Variants in NUMBL observed in about 807,000 individuals in gnomAD.
NUMBL encodes numb-like protein.
NUMBL carries 20 observed loss-of-function variants against 48.9 expected under a neutral mutation model. The observed-to-expected ratio is 0.41, with a 90% CI of 0.29 to 0.59. The LOEUF is 0.59. Ranked by LOEUF, NUMBL falls within the 20% of genes least tolerant of loss-of-function variation. The pLI is 0.31. For missense variants in NUMBL, 660 were observed against 846.2 expected, an observed-to-expected ratio of 0.78 and a Z score of 2.73; for synonymous variants, 340 against 348.7, an observed-to-expected ratio of 0.98 and a Z score of 0.28.
intron 2 of NUMBL, among the ~76,000 whole-genome samples, chr19:40,686,685 A>G (rs1333376759): frequency 9.0e-6 from 1 of 111,456 alleles, no homozygotes; most frequent in Admixed American, 8.5e-5. Context: ...CTCTAACCGT[A>G]TATCTACAGA....
chr19:40,672,128 C>T (rs2081851491), intron 8 of NUMBL, among the ~76,000 whole-genome samples: 1 of 152,222 alleles, frequency 6.6e-6, no homozygotes, highest in South Asian at 2.1e-4. Flanking sequence ...GATCTGCCTG[C>T]CTTGGCCTCC....
In NUMBL at chr19:40,668,083, C is replaced by T. The variant is rs1477890064; in HGVS notation, c.1215G>A (p.Gly405=). ...SVPPAAAFQP[G]HKRTPSEAER... The stretch of plus-strand genomic sequence containing the variant: ...CAGCCTCTGAAGGTGTCCGCTTGTG[C>T]CCAGGCTGGAAGGCAGCTGCAGGGG... Residue 405 remains glycine (G), a synonymous_variant, in exon 10 of 10, where the codon GGG becomes GGA. Coordinates refer to ENST00000252891, the MANE Select transcript of NUMBL (RefSeq NM_004756.5). 1.2e-6 allele frequency: 2 copies of T among 1,601,676 alleles called. No individual in the cohort carries two copies. The highest frequency in any genetic ancestry group is 1.7e-6 in the Non-Finnish European group (2 of 1,174,892).
intron 7 of NUMBL, among the ~76,000 whole-genome samples, chr19:40,676,678 CGA>C (rs1243848828): frequency 5.1e-5 from 7 of 137,286 alleles, no homozygotes; most frequent in Non-Finnish European, 1.1e-4. Flanking sequence ...GTTGACAGAG[CGA>C]GACTCCGTCT....
At position 40,670,004 on chromosome 19, in the gene NUMBL, A is replaced by G. The variant is rs1255790533; in HGVS notation, c.1053T>C (p.Pro351=). 1.2e-6 allele frequency: 2 copies of G among 1,613,726 alleles called. No individual in the cohort carries two copies. The highest frequency in any genetic ancestry group is 2.2e-5 in the South Asian group (2 of 91,052). ...TGCTGTCACTGTCGCCGGCACCAGGAGGCTCCATCTCAGGCACTGGGAAGC... is the reference window on the plus strand; with the variant it reads ...TGCTGTCACTGTCGCCGGCACCAGGGGGCTCCATCTCAGGCACTGGGAAGC... ...QVKGTVPEME[P]PGAGDSDSIN... The change falls in exon 9 of 10, where the codon CCT becomes CCC. Residue 351 remains proline (P), a synonymous_variant. Transcript: ENST00000252891.
rs2081893278 is a variant in NUMBL, at chr19:40,679,243, A to G, written c.540+1674T>C. On this transcript the variant is annotated intron_variant, in intron 6 of 9. Transcript: ENST00000252891. ...CATCTCTACAAAAAATTAGCCAGGC[A>G]TGGTGGCGTGTGCCTGTAGTCCTAG... is the stretch of plus-strand genomic sequence containing the variant. Among the ~76,000 whole-genome samples, 3 of 151,988 alleles carry G rather than the reference A, an allele frequency of 2.0e-5. No individual in the cohort carries two copies. The South Asian group carries it at 6.2e-4, about 32-fold the overall frequency.
chr19:40,690,509 C>T lies in NUMBL; in HGVS notation c.-26G>A. 1 of 1,265,100 alleles carries T rather than the reference C, an allele frequency of 7.9e-7. No individual in the cohort carries two copies. Among genetic ancestry groups the T allele is most frequent in the Non-Finnish European group, 1.0e-6 (1 of 1,004,468 alleles). The allele number at this position is 1,265,100 out of a possible 1,614,324, so 78.4% of individuals were successfully genotyped here. ...CCAGGGCCCGGGCGCCCCCGCCTCC[C>T]GCGGCCCTGGCTGGGCCTGGCTCCC... On this transcript the variant is annotated 5_prime_UTR_variant, in exon 1 of 10. Transcript: ENST00000252891.
intron 6 of NUMBL, among the ~76,000 whole-genome samples, chr19:40,678,029 G>A (rs957037495): frequency 3.9e-5 from 6 of 152,180 alleles, no homozygotes; most frequent in Admixed American, 1.3e-4. Context: ...TAGACTAAAC[G>A]TGTGTGTCTC....
At chr19:40,679,868 G>A (rs2081896027) in intron 6 of NUMBL, among the ~76,000 whole-genome samples, 1 of 152,046 alleles carries the variant, frequency 6.6e-6, no homozygotes, top group African/African-American at 2.4e-5. Context: ...CTTTAGCGGT[G>A]ATGAAAATGT....
rs1399322076 is a variant in NUMBL at position 40,686,942 on chromosome 19, C to T, written c.78G>A (p.Pro26=). 40 of 1,544,810 alleles carry T rather than the reference C, an allele frequency of 2.6e-5. No homozygotes were observed. The highest frequency in any genetic ancestry group is 1.1e-4 in the African/African-American group (8 of 72,662). ...RHLPPAPCGA[P]GPPETCRTEP... ...CCGTCCTGCAGGTTTCTGGGGGCCC[C>T]GGGGCCCCACAGGGGGCTGGGGGCA... Residue 26 remains proline (P), a synonymous_variant, in exon 2 of 10, where the codon CCG becomes CCA. Transcript: ENST00000252891.
rs2081813106 is a variant in NUMBL at position 40,667,057 on chromosome 19, G to C, written c.*411C>G. The stretch of plus-strand genomic sequence containing the variant: ...GAGGAGACGACCAGATTTGGGGTGG[G>C]CACTGGTGTGGGGCCCAGGAGAGCC... On this transcript the variant is annotated 3_prime_UTR_variant, in exon 10 of 10. Transcript: ENST00000252891. The surrounding 1 kb of genome is among the most constrained non-coding windows in gnomAD (Gnocchi z 6.1). The C allele has an allele frequency of 4.0e-6, 1 of 250,246 alleles. No individual in the cohort carries two copies. Among genetic ancestry groups the C allele is most frequent in the Non-Finnish European group, 7.9e-6 (1 of 127,324 alleles). 15.5% of individuals were successfully genotyped at this position (250,246 alleles called of 1,614,324 possible).
chr19:40,684,370 C>G, intron 3 of NUMBL, 47 bp downstream of exon 3: 1 of 1,525,848 alleles, frequency 6.6e-7, no homozygotes, highest in Non-Finnish European at 8.8e-7. Context: ...CACAGCACAG[C>G]GGCCCCCGTC....
chr19:40,684,482 G>A lies in NUMBL; in HGVS notation c.184C>T (p.Arg62Cys). 2 of 1,593,218 alleles carry A rather than the reference G, an allele frequency of 1.3e-6. No homozygotes were observed. Among genetic ancestry groups the A allele is most frequent in the Non-Finnish European group, 1.7e-6 (2 of 1,170,778 alleles). Residue 62 changes from arginine (R) to cysteine (C), a missense_variant, in exon 3 of 10, where the codon CGC becomes TGC. This residue lies in a region of NUMBL where 278 missense variants were observed against 420.6 expected (regional missense o/e 0.66). Coordinates refer to ENST00000252891, the MANE Select transcript of NUMBL (RefSeq NM_004756.5). ...TCGTCTGCCTGCCACTGGTGCGGGCGCGACGCCTCGGGCACGTAGGCTGGC... is the reference window on the plus strand; with the variant it reads ...TCGTCTGCCTGCCACTGGTGCGGGCACGACGCCTCGGGCACGTAGGCTGGC... ...RKPAYVPEAS[R>C]PHQWQADEDA...
intron 1 of NUMBL, among the ~76,000 whole-genome samples, chr19:40,689,356 CACAT>C (rs1433616867): frequency 6.6e-6 from 1 of 152,144 alleles, no homozygotes; most frequent in Admixed American, 6.6e-5. Context: ...CTGTCACACA[CACAT>C]ACACAGTCAC....
chr19:40,684,798 C>G, intron 2 of NUMBL: 1 of 461,976 alleles, frequency 2.2e-6, no homozygotes. Context: ...AACCATGGGG[C>G]TAAGGGGCTG....
In NUMBL at chr19:40,677,273, C is replaced by T. The variant is rs924337725; in HGVS notation, c.689G>A (p.Gly230Asp). The change falls in exon 7 of 10, where the codon GGT becomes GAT. Residue 230 changes from glycine to aspartate, a missense_variant. By Grantham distance (94) the Gly-to-Asp change is moderately conservative. Transcript: ENST00000252891. ...GGCCTCTCGCTCAGCAGGCCGCCCA[C>T]CCCCAGACAGGCGGAAGGAGCCCTC... is the stretch of plus-strand genomic sequence containing the variant. ...AREGSFRLSGGGRPAEREAPD... is the reference protein window; with the variant it reads ...AREGSFRLSGDGRPAEREAPD... 1.7e-5 allele frequency: 27 copies of T among 1,598,270 alleles called. No individual in the cohort carries two copies. Among genetic ancestry groups the T allele is most frequent in the Non-Finnish European group, 2.2e-5 (26 of 1,173,270 alleles).
chr19:40,686,020 CTG>C (rs1197070156), intron 2 of NUMBL: 1 of 152,868 alleles, frequency 6.5e-6, no homozygotes, highest in Non-Finnish European at 1.5e-5. Flanking sequence ...CTTTGTGAGA[CTG>C]TGTGCATGTT....
intron 3 of NUMBL, 115 bp from the exon 4 acceptor site, chr19:40,683,083 T>C: frequency 1.1e-6 from 1 of 906,486 alleles, no homozygotes. Context: ...ATGATGTGTA[T>C]GCAATCATTT....
At chr19:40,689,378 C>T (rs771753748) in intron 1 of NUMBL, among the ~76,000 whole-genome samples, 2 of 152,078 alleles carry the variant, frequency 1.3e-5, no homozygotes, top group Non-Finnish European at 2.9e-5. Flanking sequence ...CACACAGATA[C>T]TAGGGTCACA....
rs2081959902 is a variant in NUMBL at position 40,690,476 on chromosome 19, CG to C, written c.7del (p.Arg3AlafsTer40). 1 of 1,307,232 alleles carries C rather than the reference CG, an allele frequency of 7.6e-7. No individual in the cohort carries two copies. The highest frequency in any genetic ancestry group is 1.5e-5 in the African/African-American group (1 of 65,810). 81.0% of individuals were successfully genotyped at this position (1,307,232 alleles called of 1,614,324 possible). A position where few individuals can be genotyped will look rare whatever the true frequency, so the allele number is the denominator to read the frequency against. ...CCTTCTCACGCTGGCCGCCGCGCTG[CG>C]GGACATCCAGGGCCCGGGCGCCCCC... MS[R>X]SAAASGGPRR... On this transcript the variant is annotated frameshift_variant, in exon 1 of 10. Coordinates refer to ENST00000252891, the MANE Select transcript of NUMBL (RefSeq NM_004756.5). LOFTEE classifies it high-confidence loss of function.
Sources: allele counts gnomAD v4.1 joint callset (sites outside exome capture counted in the v4.1 genomes callset), GRCh38; gene constraint gnomAD v4.1.1; regional missense constraint gnomAD v4.1.1; non-coding constraint Gnocchi (gnomAD v3.1); transcripts MANE v1.5; gene names NCBI Gene and HGNC (gene_info 2026-07-23, HGNC 2026-07-21).